Variants in B3GAT2 observed in about 807,000 individuals in gnomAD.
The protein encoded by B3GAT2 is beta-1,3-glucuronyltransferase 2.
Under a neutral mutation model 27.8 loss-of-function variants are expected in B3GAT2, and 26 were observed. That is an observed-to-expected ratio of 0.93 (90% CI 0.68 to 1.30). The LOEUF is 1.30. B3GAT2 is among the 50% of genes most tolerant of loss of function. The probability of loss-of-function intolerance (pLI) is 0.00; values close to 1 mark genes in which losing one functional copy is unlikely to be tolerated. For missense variants in B3GAT2, 458 were observed against 459.0 expected, an observed-to-expected ratio of 1.00 and a Z score of 0.02; for synonymous variants, 218 against 195.1, an observed-to-expected ratio of 1.12 and a Z score of -0.98.
chr6:70,937,181 A>C (rs1243055530), intron 1 of B3GAT2, among the ~76,000 whole-genome samples: 1 of 152,062 alleles, frequency 6.6e-6, no homozygotes, highest in Non-Finnish European at 1.5e-5. Context: ...CGGCACATAC[A>C]CCCTCCCAAG....
chr6:70,893,468 C>A (rs1772326524), intron 2 of B3GAT2, among the ~76,000 whole-genome samples: 1 of 151,538 alleles, frequency 6.6e-6, no homozygotes, highest in Admixed American at 6.6e-5. Context: ...TTATCACAGG[C>A]ATCATTTTCT....
intron 1 of B3GAT2, among the ~76,000 whole-genome samples, chr6:70,933,632 C>T (rs1773094728): frequency 6.6e-6 from 1 of 152,182 alleles, no homozygotes; most frequent in Non-Finnish European, 1.5e-5. Context: ...AAAAATGATA[C>T]TGGCATTTTC....
At chr6:70,889,851 C>T (rs1019638017) in intron 2 of B3GAT2, among the ~76,000 whole-genome samples, 3 of 151,202 alleles carry the variant, frequency 2.0e-5, no homozygotes, top group South Asian at 2.1e-4. Context: ...GGTGCAATCT[C>T]GGCTCACTGC....
intron 1 of B3GAT2, among the ~76,000 whole-genome samples, chr6:70,942,560 C>G (rs1765411687): frequency 6.6e-6 from 1 of 152,162 alleles, no homozygotes; most frequent in East Asian, 1.9e-4. Flanking sequence ...TTAGGGACCT[C>G]TGCTTTACAC....
chr6:70,905,882 G>C (rs1229703052), intron 1 of B3GAT2, among the ~76,000 whole-genome samples: 1 of 95,304 alleles, frequency 1.0e-5, no homozygotes, highest in Non-Finnish European at 2.2e-5. Context: ...ATGTCTCCTG[G>C]CACTGTGTGT....
At chr6:70,942,193 A>C (rs1335580893) in intron 1 of B3GAT2, among the ~76,000 whole-genome samples, 1 of 152,234 alleles carries the variant, frequency 6.6e-6, no homozygotes, top group Non-Finnish European at 1.5e-5. Context: ...GTTTACATAA[A>C]GACATGATAG....
At chr6:70,914,723 G>A (rs997602548) in intron 1 of B3GAT2, among the ~76,000 whole-genome samples, 4 of 151,104 alleles carry the variant, frequency 2.6e-5, no homozygotes, top group African/African-American at 9.8e-5. Flanking sequence ...TTACAGAAAT[G>A]GGAATGATCC....
intron 1 of B3GAT2, among the ~76,000 whole-genome samples, chr6:70,900,270 C>T (rs924518892): frequency 2.6e-5 from 4 of 152,230 alleles, no homozygotes; most frequent in Non-Finnish European, 5.9e-5. Flanking sequence ...TGCATGTGCA[C>T]ACTCCTCCAG....
intron 2 of B3GAT2, among the ~76,000 whole-genome samples, chr6:70,866,785 T>G (rs1469019953): frequency 6.6e-6 from 1 of 152,154 alleles, no homozygotes; most frequent in Admixed American, 6.5e-5. Context: ...TCAGGAAAGA[T>G]ATGTAAGACT....
Position 70,900,409 on chromosome 6 carries a change from C to CT in B3GAT2, c.592-6138dup, listed in dbSNP as rs56143825. Among the ~76,000 whole-genome samples, 327 of 146,366 alleles carry CT rather than the reference C, an allele frequency of 2.2e-3. 1 individual carries two copies. The highest frequency in any genetic ancestry group is 5.6e-3 in the Admixed American group (82 of 14,690). On this transcript the variant is annotated intron_variant, in intron 1 of 3. Transcript: ENST00000230053. ...TGGTGGCCCTTAACAACAACCGGCT[C>CT]TTTTTTTTTTTTTTGAGTCAGGGTC... is the stretch of plus-strand genomic sequence containing the variant.
chr6:70,891,383 T>C (rs943003193), intron 2 of B3GAT2, among the ~76,000 whole-genome samples: 1 of 152,246 alleles, frequency 6.6e-6, no homozygotes, highest in African/African-American at 2.4e-5. Flanking sequence ...TCTGCCATTA[T>C]GGTTGTAAAC....
rs1297838939 is a variant in B3GAT2 at position 70,956,609 on chromosome 6, C to A, written c.-180G>T. On this transcript the variant is annotated 5_prime_UTR_variant, in exon 1 of 4. Coordinates refer to ENST00000230053, the MANE Select transcript of B3GAT2 (RefSeq NM_080742.3). ...GGCTCACTACCTGGGCGTGGAGGAGCGGCAGGTTCGCGCAAGCTAGAGCGA... is the reference window on the plus strand; with the variant it reads ...GGCTCACTACCTGGGCGTGGAGGAGAGGCAGGTTCGCGCAAGCTAGAGCGA... 1.4e-6 allele frequency: 2 copies of A among 1,430,156 alleles called. No individual in the cohort carries two copies. The highest frequency in any genetic ancestry group is 2.9e-5 in the Admixed American group (1 of 34,818). The allele number at this position is 1,430,156 out of a possible 1,614,324, so 88.6% of individuals were successfully genotyped here.
At chr6:70,917,757 A>C (rs1335144570) in intron 1 of B3GAT2, among the ~76,000 whole-genome samples, 1 of 152,200 alleles carries the variant, frequency 6.6e-6, no homozygotes, top group Non-Finnish European at 1.5e-5. Context: ...TTGCGGTCTG[A>C]GAGACAGTTT....
chr6:70,892,660 G>C (rs114486126), intron 2 of B3GAT2, among the ~76,000 whole-genome samples: 1 of 152,146 alleles, frequency 6.6e-6, no homozygotes, highest in African/African-American at 2.4e-5. Context: ...GGTCATCTCC[G>C]GCAGCTGCCT....
intron 1 of B3GAT2, among the ~76,000 whole-genome samples, chr6:70,905,067 C>G (rs879739858): frequency 1.3e-5 from 2 of 152,210 alleles, no homozygotes; most frequent in Admixed American, 6.5e-5. Flanking sequence ...GGAAACTAAA[C>G]TGCCAAATGC....
chr6:70,895,639 C>T (rs1009563097), intron 1 of B3GAT2, among the ~76,000 whole-genome samples: 2 of 150,604 alleles, frequency 1.3e-5, no homozygotes, highest in African/African-American at 2.4e-5. Flanking sequence ...CTGAGTAGCT[C>T]GATTACAGCC....
rs1416159748 is a variant in B3GAT2, at chr6:70,859,521, T to A, written c.*2142A>T. ...AATAAGTCAAGTCAAATGTATTAAA[T>A]TAAGAACACAGTCTAACTCTGAGTG... On this transcript the variant is annotated 3_prime_UTR_variant, in exon 4 of 4. Coordinates refer to ENST00000230053, the MANE Select transcript of B3GAT2 (RefSeq NM_080742.3). 1 of 718,328 alleles carries A rather than the reference T, an allele frequency of 1.4e-6. No homozygotes were observed. Among genetic ancestry groups the A allele is most frequent in the African/African-American group, 1.8e-5 (1 of 55,990 alleles). The allele number at this position is 718,328 out of a possible 1,614,324, so 44.5% of individuals were successfully genotyped here.
At chr6:70,943,356 C>T (rs912967477) in intron 1 of B3GAT2, among the ~76,000 whole-genome samples, 1 of 152,180 alleles carries the variant, frequency 6.6e-6, no homozygotes, top group Non-Finnish European at 1.5e-5. Context: ...AACCAAGGCT[C>T]CTCCAAGCAC....
At position 70,856,745 on chromosome 6, in the gene B3GAT2, T is replaced by C; in HGVS notation, c.*4918A>G. 9.1e-7 allele frequency: 1 copy of C among 1,100,544 alleles called. No homozygotes were observed. The highest frequency in any genetic ancestry group is 1.3e-6 in the Non-Finnish European group (1 of 789,912). 68.2% of individuals were successfully genotyped at this position (1,100,544 alleles called of 1,614,324 possible). ...TCCTCTTGAATGGCACCATTTTACCTTCTACAATTGTTTGATTCCTATCTA... is the reference window on the plus strand; with the variant it reads ...TCCTCTTGAATGGCACCATTTTACCCTCTACAATTGTTTGATTCCTATCTA... On this transcript the variant is annotated 3_prime_UTR_variant, in exon 4 of 4. Coordinates refer to ENST00000230053, the MANE Select transcript of B3GAT2 (RefSeq NM_080742.3).
Sources: gnomAD v4.1 joint callset for allele counts (sites outside exome capture counted in the v4.1 genomes callset) on GRCh38, gnomAD v4.1.1 for gene constraint, MANE v1.5 for transcripts, NCBI Gene and HGNC (gene_info 2026-07-23, HGNC 2026-07-21) for gene names.